The following PDE8B variants were observed in gnomAD, a reference collection of about 807,000 sequenced individuals.
PDE8B encodes the protein phosphodiesterase 8B.
PDE8B carries 26 observed loss-of-function variants against 101.3 expected under a neutral mutation model. That is an observed-to-expected ratio of 0.26 (90% CI 0.19 to 0.36). The LOEUF (loss-of-function observed/expected upper bound fraction) is 0.36. Ranked by LOEUF, PDE8B falls within the 10% of genes least tolerant of loss-of-function variation. The pLI is 1.00. For missense variants in PDE8B, 810 were observed against 1,163.1 expected, an observed-to-expected ratio of 0.70 and a Z score of 4.42; for synonymous variants, 424 against 429.3, an observed-to-expected ratio of 0.99 and a Z score of 0.15.
the PDE8B span, among the ~76,000 whole-genome samples, chr5:77,128,710 A>G: frequency 1.3e-5 from 2 of 152,368 alleles, no homozygotes; most frequent in Admixed American, 6.5e-5. Flanking sequence ...GTGTCAGCAC[A>G]CGAAACATCA....
chr5:77,349,400 A>G lies in PDE8B; in HGVS notation c.877-19A>G, dbSNP rs781351906. On this transcript the variant is annotated intron_variant, in intron 7 of 21. Coordinates refer to ENST00000264917, the MANE Select transcript of PDE8B (RefSeq NM_003719.5). ...GTCTTGTGTCCCCGCACTGATCTGT[A>G]CCAACCTCCCATTAACAGTATGTCA... is the stretch of plus-strand genomic sequence containing the variant. The G allele has an allele frequency of 5.8e-5, 93 of 1,613,922 alleles. No homozygotes were observed. The highest frequency in any genetic ancestry group is 2.8e-4 in the Admixed American group (17 of 59,990).
chr5:77,384,669 G>A (rs1788184633), intron 10 of PDE8B, among the ~76,000 whole-genome samples: 1 of 152,126 alleles, frequency 6.6e-6, no homozygotes, highest in Non-Finnish European at 1.5e-5. Context: ...TTTATTGAGA[G>A]TTTTTAGTGT....
chr5:77,411,144 C>T (rs1268737576), intron 14 of PDE8B: 1 of 157,550 alleles, frequency 6.3e-6, no homozygotes, highest in East Asian at 1.8e-4. Flanking sequence ...CAGCAATGCT[C>T]ATGTTTCAAA....
At chr5:77,188,003 G>C in the PDE8B span, among the ~76,000 whole-genome samples, 1 of 152,182 alleles carries the variant, frequency 6.6e-6, no homozygotes, top group Non-Finnish European at 1.5e-5. Flanking sequence ...GGCCATGGCT[G>C]ATTAAAGAGT....
At chr5:77,328,039 G>C (rs970166996) in intron 3 of PDE8B, among the ~76,000 whole-genome samples, 3 of 152,186 alleles carry the variant, frequency 2.0e-5, no homozygotes, top group African/African-American at 7.2e-5. Context: ...AATGCCCACA[G>C]CCAGAGAGAA....
chr5:77,354,888 C>T (rs1454180395), intron 10 of PDE8B, among the ~76,000 whole-genome samples: 1 of 152,222 alleles, frequency 6.6e-6, no homozygotes, highest in African/African-American at 2.4e-5. Flanking sequence ...CACCTTCTTT[C>T]TGAAGGCCCC....
At chr5:77,395,296 T>G (rs1790782803) in intron 10 of PDE8B, among the ~76,000 whole-genome samples, 1 of 151,226 alleles carries the variant, frequency 6.6e-6, no homozygotes, top group Non-Finnish European at 1.5e-5. Context: ...TTTGTATTTT[T>G]AGTAGAGAGG....
intron 10 of PDE8B, among the ~76,000 whole-genome samples, chr5:77,384,652 T>G (rs1788179634): frequency 6.6e-6 from 1 of 152,200 alleles, no homozygotes; most frequent in South Asian, 2.1e-4. Flanking sequence ...GTTCAATCAA[T>G]ACCTAGTTTA....
chr5:77,300,868 A>C (rs897053842), intron 1 of PDE8B, among the ~76,000 whole-genome samples: 1 of 152,240 alleles, frequency 6.6e-6, no homozygotes, highest in African/African-American at 2.4e-5. Flanking sequence ...CTTGGAAATC[A>C]TGATTGTTCT....
chr5:77,321,118 TA>T (rs1561523075), intron 2 of PDE8B, among the ~76,000 whole-genome samples: 1 of 151,220 alleles, frequency 6.6e-6, no homozygotes, highest in Non-Finnish European at 1.5e-5. Context: ...ATCAGCAGTT[TA>T]ACATTCTTCC....
chr5:77,405,094 A>G (rs1581520374), intron 12 of PDE8B, among the ~76,000 whole-genome samples: 1 of 152,084 alleles, frequency 6.6e-6, no homozygotes, highest in Non-Finnish European at 1.5e-5. Flanking sequence ...GAACAAGGTC[A>G]CTCTTGGGTG....
At chr5:77,316,795 G>A (rs1384489517) in intron 2 of PDE8B, among the ~76,000 whole-genome samples, 1 of 152,050 alleles carries the variant, frequency 6.6e-6, no homozygotes, top group Non-Finnish European at 1.5e-5. Context: ...AAACTCATAA[G>A]CCTGCCACCC....
chr5:77,380,283 T>C (rs1214676925), intron 10 of PDE8B, among the ~76,000 whole-genome samples: 1 of 152,194 alleles, frequency 6.6e-6, no homozygotes, highest in Non-Finnish European at 1.5e-5. Flanking sequence ...ATATGAACAA[T>C]CTTTTTGTTT....
intron 14 of PDE8B, among the ~76,000 whole-genome samples, 200 bp downstream of exon 14, chr5:77,409,257 G>A (rs1034730954): frequency 5.3e-5 from 8 of 152,200 alleles, no homozygotes; most frequent in Admixed American, 1.3e-4. Flanking sequence ...GTCTTTCCAT[G>A]AGGCTGGCCT....
the PDE8B span, among the ~76,000 whole-genome samples, chr5:77,115,958 G>A: frequency 2.0e-5 from 3 of 152,048 alleles, no homozygotes; most frequent in Admixed American, 2.0e-4. Flanking sequence ...ACCTAGCAGA[G>A]TGACATGCTT....
At chr5:77,131,494 G>A in the PDE8B span, among the ~76,000 whole-genome samples, 1 of 152,132 alleles carries the variant, frequency 6.6e-6, no homozygotes, top group African/African-American at 2.4e-5. Flanking sequence ...AAGTGGGTTT[G>A]GACATTCAAA....
At chr5:77,128,660 T>C in the PDE8B span, among the ~76,000 whole-genome samples, 1 of 152,212 alleles carries the variant, frequency 6.6e-6, no homozygotes, top group East Asian at 1.9e-4. Context: ...GAAATGGTGC[T>C]CAAGAGTTCT....
intron 1 of PDE8B, among the ~76,000 whole-genome samples, chr5:77,305,212 T>C (rs76198233): frequency 7.2e-5 from 11 of 152,176 alleles, no homozygotes; most frequent in African/African-American, 2.7e-4. Context: ...TGGTGTCAAA[T>C]AGGACCCAGG....
chr5:77,173,889 ATTTGC>A, the PDE8B span, among the ~76,000 whole-genome samples: 1 of 152,098 alleles, frequency 6.6e-6, no homozygotes, highest in African/African-American at 2.4e-5. Flanking sequence ...ATAACTCTCC[ATTTGC>A]AGTCTTTAAG....
Sources: allele counts gnomAD v4.1 joint callset (sites outside exome capture counted in the v4.1 genomes callset), GRCh38; gene constraint gnomAD v4.1.1; transcripts MANE v1.5; gene names NCBI Gene and HGNC (gene_info 2026-07-23, HGNC 2026-07-21).